The following GNAO1 variants were observed in gnomAD, a reference collection of about 807,000 sequenced individuals.
The protein encoded by GNAO1 is G protein subunit alpha o1.
For synonymous variants in GNAO1, 164 were observed against 180.7 expected (o/e 0.91, Z 0.74); for missense variants, 166 against 478.7 (o/e 0.35, Z 6.10).
intron 2 of GNAO1, among the ~76,000 whole-genome samples, chr16:56,248,338 A>G (rs1347340502): frequency 6.6e-6 from 1 of 152,240 alleles, no homozygotes; most frequent in African/African-American, 2.4e-5. Context: ...TTTTCCTGTT[A>G]TAAACATCAA....
At chr16:56,276,271 GCAAGTTGCAGGGGCTACAAAA>G in intron 3 of GNAO1, 199 bp downstream of exon 3, 1 of 461,908 alleles carries the variant, frequency 2.2e-6, no homozygotes. Context: ...CACCAACTTT[GCAAGTTGCAGGGGCTACAAAA>G]CTCCCGGATT....
At chr16:56,243,448 A>G (rs549647744) in intron 2 of GNAO1, among the ~76,000 whole-genome samples, 1 of 152,340 alleles carries the variant, frequency 6.6e-6, no homozygotes, top group Non-Finnish European at 1.5e-5. Context: ...TGCCCAAAAT[A>G]TATAAAGAAC....
intron 6 of GNAO1, among the ~76,000 whole-genome samples, chr16:56,343,326 T>TAAA (rs1226460023): frequency 2.9e-5 from 4 of 138,392 alleles, no homozygotes; most frequent in African/African-American, 1.3e-4. Context: ...CCATCTGTAT[T>TAAA]AAAAATAATA....
At chr16:56,213,419 T>C (rs190359966) in intron 2 of GNAO1, 163 of 398,358 alleles carry the variant, frequency 4.1e-4, no homozygotes, top group Middle Eastern at 6.3e-4. Flanking sequence ...AGTAGTATTA[T>C]ACATCAGCTG....
chr16:56,225,155 C>A (rs1177050492), intron 2 of GNAO1, among the ~76,000 whole-genome samples: 1 of 152,224 alleles, frequency 6.6e-6, no homozygotes, highest in African/African-American at 2.4e-5. Flanking sequence ...CTCTGTAGAG[C>A]AGGATGTGGC....
In GNAO1 at chr16:56,351,350, G is replaced by C. The variant is rs1305523212; in HGVS notation, c.724-34G>C. ...CCTGTCTCTGTGTCTCCCTCCCGCT[G>C]TCTGTCCTCTCTCCTCCCTTCCTGC... On this transcript the variant is annotated intron_variant, in intron 6 of 8. Coordinates refer to ENST00000262493, the MANE Select transcript of GNAO1 (RefSeq NM_020988.3). The surrounding 1 kb of genome is among the most constrained non-coding windows in gnomAD (Gnocchi z 6.1). 1 of 1,560,174 alleles carries C rather than the reference G, an allele frequency of 6.4e-7. No homozygotes were observed. Among genetic ancestry groups the C allele is most frequent in the Non-Finnish European group, 8.8e-7 (1 of 1,133,194 alleles).
rs2037722098 is a variant in GNAO1, at chr16:56,334,587, G to T, written c.465-142G>T. ...TCCTCAGTCGCCCCCACTCCCTATG[G>T]CCTGGAATGGAGGTGATGTCTTTTC... is the stretch of plus-strand genomic sequence containing the variant. On this transcript the variant is annotated intron_variant, in intron 4 of 8. Coordinates refer to ENST00000262493, the MANE Select transcript of GNAO1 (RefSeq NM_020988.3). 4.7e-6 allele frequency: 4 copies of T among 846,480 alleles called. No homozygotes were observed. The South Asian group carries it at 5.2e-5, about 11-fold the overall frequency. 52.4% of individuals were successfully genotyped at this position (846,480 alleles called of 1,614,324 possible). A position where few individuals can be genotyped will look rare whatever the true frequency, so the allele number is the denominator to read the frequency against.
chr16:56,276,321 G>T, intron 3 of GNAO1: 1 of 372,090 alleles, frequency 2.7e-6, no homozygotes. Context: ...AGATGAGGAA[G>T]AGTTGGTGAC....
At chr16:56,201,295 C>T (rs1353709594) in intron 2 of GNAO1, among the ~76,000 whole-genome samples, 1 of 152,112 alleles carries the variant, frequency 6.6e-6, no homozygotes, top group East Asian at 1.9e-4. Flanking sequence ...AAAAGGAATG[C>T]CAGGCAGAGG....
chr16:56,205,176 C>T (rs2036315856), intron 2 of GNAO1, among the ~76,000 whole-genome samples: 1 of 152,176 alleles, frequency 6.6e-6, no homozygotes, highest in Non-Finnish European at 1.5e-5. Context: ...AGGAATTTGT[C>T]TTGTAATACT....
At chr16:56,234,071 T>C (rs1331182719) in intron 2 of GNAO1, among the ~76,000 whole-genome samples, 2 of 152,212 alleles carry the variant, frequency 1.3e-5, no homozygotes, top group African/African-American at 4.8e-5. Flanking sequence ...CTTCTTTCCT[T>C]GGCAGTGTAT....
chr16:56,209,028 T>C (rs1184547595), intron 2 of GNAO1, among the ~76,000 whole-genome samples: 3 of 152,220 alleles, frequency 2.0e-5, no homozygotes, highest in Non-Finnish European at 4.4e-5. Flanking sequence ...TTAGTGTTTT[T>C]TTTGTGTGTG....
chr16:56,345,225 G>T, intron 6 of GNAO1: 1 of 985,560 alleles, frequency 1.0e-6, no homozygotes, highest in Non-Finnish European at 1.2e-6. Flanking sequence ...CCTCCAGGTG[G>T]CTGAGGCCAA....
intron 2 of GNAO1, among the ~76,000 whole-genome samples, chr16:56,210,015 C>T: frequency 6.6e-6 from 1 of 152,144 alleles, no homozygotes. Context: ...AGAGTATTTT[C>T]ACTGCCTTAA....
chr16:56,200,446 T>C (rs1246334332), intron 2 of GNAO1, among the ~76,000 whole-genome samples: 2 of 152,256 alleles, frequency 1.3e-5, no homozygotes, highest in Non-Finnish European at 2.9e-5. Flanking sequence ...ATTTTCAATC[T>C]ATTATATTCA....
chr16:56,221,178 C>A (rs747415186), intron 2 of GNAO1, among the ~76,000 whole-genome samples: 3 of 152,192 alleles, frequency 2.0e-5, no homozygotes, highest in Admixed American at 2.0e-4. Flanking sequence ...AGTGCCTCAA[C>A]GTTGGACTCC....
At chr16:56,249,244 G>T (rs142497894) in intron 2 of GNAO1, among the ~76,000 whole-genome samples, 2 of 152,140 alleles carry the variant, frequency 1.3e-5, no homozygotes, top group Non-Finnish European at 2.9e-5. Flanking sequence ...TACATGGAAT[G>T]GGGGGGAACA....
At chr16:56,344,213 T>A (rs1490307498) in intron 6 of GNAO1, 23 of 1,393,032 alleles carry the variant, frequency 1.7e-5, no homozygotes, top group Non-Finnish European at 2.0e-5. Context: ...CATCTCTGAG[T>A]GCTTGATCGG....
In GNAO1 at chr16:56,236,896, C is replaced by T. The variant is rs1449984610; in HGVS notation, c.162-39035C>T. 4.6e-5 allele frequency among the ~76,000 whole-genome samples: 7 copies of T among 152,162 alleles called. No homozygotes were observed. The South Asian group carries it at 8.3e-4, about 18-fold the overall frequency. Reference sequence around the variant, plus strand: ...TTAGCCAAGGGCCGTGTCCCAGGAACGTGTAGGATTGTGCATTTGGATATC... The same window carrying T: ...TTAGCCAAGGGCCGTGTCCCAGGAATGTGTAGGATTGTGCATTTGGATATC... On this transcript the variant is annotated intron_variant, in intron 2 of 8. Coordinates refer to ENST00000262493, the MANE Select transcript of GNAO1 (RefSeq NM_020988.3).
Sources: allele counts gnomAD v4.1 joint callset (sites outside exome capture counted in the v4.1 genomes callset), GRCh38; gene constraint gnomAD v4.1.1; non-coding constraint Gnocchi (gnomAD v3.1); transcripts MANE v1.5; gene names NCBI Gene and HGNC (gene_info 2026-07-23, HGNC 2026-07-21).